The following ARHGEF4 variants were observed in gnomAD, a reference collection of about 807,000 sequenced individuals.
ARHGEF4 encodes Rho guanine nucleotide exchange factor 4.
ARHGEF4 carries 119 observed loss-of-function variants against 162.0 expected under a neutral mutation model. The ratio of observed to expected loss-of-function variants is 0.73; its 90% CI spans 0.63 to 0.86. ARHGEF4 has a LOEUF of 0.86. Ranked by LOEUF, ARHGEF4 falls within the 40% of genes least tolerant of loss-of-function variation. The pLI, the probability that ARHGEF4 is intolerant of heterozygous loss-of-function variation, is 0.00. For synonymous variants in ARHGEF4, 1,014 were observed against 979.9 expected (o/e 1.03, Z -0.65); for missense variants, 2,488 against 2,456.0 (o/e 1.01, Z -0.28).
Position 131,038,140 on chromosome 2 carries a change from T to C in ARHGEF4, c.4126-713T>C, listed in dbSNP as rs557612036. Among the ~76,000 whole-genome samples, 4 of 152,286 alleles carry C rather than the reference T, an allele frequency of 2.6e-5. No individual in the cohort carries two copies. In the South Asian group the frequency reaches 8.3e-4, roughly 32 times the overall value. On this transcript the variant is annotated intron_variant, in intron 5 of 13. Coordinates refer to ENST00000409359, the MANE Select transcript of ARHGEF4 (RefSeq NM_001367493.1). ...CTCCAATGGCAGGGCACTGTCTACCTGGATGAAGGGGCATTGTGGTTGGTG... is the reference window on the plus strand; with the variant it reads ...CTCCAATGGCAGGGCACTGTCTACCCGGATGAAGGGGCATTGTGGTTGGTG...
In ARHGEF4 at chr2:130,947,653, A is replaced by G. The variant is rs189767503; in HGVS notation, c.3985+1018A>G. ...ACTATAGCAAATAGCATCACATCACATATCTGTCCATAAAAGGCCTGGCTT... is the reference window on the plus strand; with the variant it reads ...ACTATAGCAAATAGCATCACATCACGTATCTGTCCATAAAAGGCCTGGCTT... On this transcript the variant is annotated intron_variant, in intron 4 of 13. Coordinates refer to ENST00000409359, the MANE Select transcript of ARHGEF4 (RefSeq NM_001367493.1). Among the ~76,000 whole-genome samples the G allele has an allele frequency of 1.9e-3, 286 of 152,250 alleles. 4 individuals are homozygous for G. The highest frequency in any genetic ancestry group is 6.5e-3 in the African/African-American group (271 of 41,516).
intron 5 of ARHGEF4, among the ~76,000 whole-genome samples, chr2:131,032,594 G>T (rs1689925271): frequency 1.3e-5 from 2 of 151,896 alleles, no homozygotes; most frequent in African/African-American, 4.8e-5. Flanking sequence ...TGCCACTTTT[G>T]CGCAGGGCTG....
chr2:130,915,881 G>A lies in ARHGEF4; in HGVS notation c.1935G>A (p.Arg645=), dbSNP rs1016371709. 20 of 1,549,466 alleles carry A rather than the reference G, an allele frequency of 1.3e-5. No homozygotes were observed. The highest frequency in any genetic ancestry group is 7.9e-5 in the Admixed American group (4 of 50,880). Residue 645 remains arginine, a synonymous_variant, in exon 2 of 14, where the codon AGG becomes AGA. Transcript: ENST00000409359. ...AVEQKGLQAS[R]SNAGPVPETL... Reference sequence around the variant, plus strand: ...AGCAGAAAGGTCTTCAGGCCAGCAGGAGCAATGCGGGGCCTGTTCCAGAAA... The same window carrying A: ...AGCAGAAAGGTCTTCAGGCCAGCAGAAGCAATGCGGGGCCTGTTCCAGAAA...
intron 3 of ARHGEF4, among the ~76,000 whole-genome samples, chr2:130,932,493 G>A (rs1682694710): frequency 6.6e-6 from 1 of 152,190 alleles, no homozygotes; most frequent in African/African-American, 2.4e-5. Flanking sequence ...ACAGGCATGA[G>A]CCACCGCGCC....
chr2:131,015,852 G>A (rs558487231), intron 4 of ARHGEF4, among the ~76,000 whole-genome samples: 1 of 152,242 alleles, frequency 6.6e-6, no homozygotes, highest in African/African-American at 2.4e-5. Flanking sequence ...TCTGTAGAAT[G>A]GACACATCAT....
At chr2:130,846,552 G>A (rs1680975813) in intron 1 of ARHGEF4, among the ~76,000 whole-genome samples, 1 of 152,256 alleles carries the variant, frequency 6.6e-6, no homozygotes, top group Non-Finnish European at 1.5e-5. Flanking sequence ...CACATGGGGA[G>A]AGCGATATGG....
At chr2:130,904,349 G>A (rs922982584) in intron 1 of ARHGEF4, among the ~76,000 whole-genome samples, 8 of 152,052 alleles carry the variant, frequency 5.3e-5, no homozygotes, top group Admixed American at 1.3e-4. Flanking sequence ...TATATTATGG[G>A]CCTTGGGACC....
At chr2:131,041,746 G>T in intron 9 of ARHGEF4, 69 bp from the exon 10 acceptor site, 1 of 1,570,724 alleles carries the variant, frequency 6.4e-7, no homozygotes, top group Non-Finnish European at 8.6e-7. Context: ...ACACGTGGGG[G>T]CTGCAGGGGA....
At chr2:131,034,188 T>A (rs982332251) in intron 5 of ARHGEF4, among the ~76,000 whole-genome samples, 1 of 152,190 alleles carries the variant, frequency 6.6e-6, no homozygotes, top group Non-Finnish European at 1.5e-5. Context: ...CTCCAGGAAC[T>A]CTTCTTGCTC....
At chr2:130,986,558 A>G (rs2105267709) in intron 4 of ARHGEF4, among the ~76,000 whole-genome samples, 1 of 152,284 alleles carries the variant, frequency 6.6e-6, no homozygotes, top group Admixed American at 6.5e-5. Flanking sequence ...GCCAGGTGGA[A>G]AGGGATCTGC....
chr2:131,037,619 C>G (rs1048714216), intron 5 of ARHGEF4, among the ~76,000 whole-genome samples: 1 of 152,248 alleles, frequency 6.6e-6, no homozygotes, highest in Non-Finnish European at 1.5e-5. Context: ...CCAGCCCACT[C>G]CTCCTCTCCT....
At chr2:130,905,255 G>A (rs180729370) in intron 1 of ARHGEF4, among the ~76,000 whole-genome samples, 14 of 151,938 alleles carry the variant, frequency 9.2e-5, no homozygotes, top group Middle Eastern at 3.4e-3. Flanking sequence ...TCCATTTTGT[G>A]TATATAGCTT....
chr2:130,840,288 C>T (rs914317316), intron 1 of ARHGEF4, among the ~76,000 whole-genome samples: 2 of 152,184 alleles, frequency 1.3e-5, no homozygotes, highest in Non-Finnish European at 2.9e-5. Context: ...ATTGTGACAG[C>T]TTCAGTCCGG....
At chr2:130,877,233 G>A (rs996449254) in intron 1 of ARHGEF4, among the ~76,000 whole-genome samples, 5 of 152,230 alleles carry the variant, frequency 3.3e-5, no homozygotes, top group African/African-American at 9.6e-5. Flanking sequence ...GGGGCAGAAA[G>A]TGGAGAGGGG....
chr2:130,851,320 C>T (rs1256600132), intron 1 of ARHGEF4, among the ~76,000 whole-genome samples: 3 of 152,348 alleles, frequency 2.0e-5, no homozygotes, highest in South Asian at 2.1e-4. Flanking sequence ...GCGCCAGCTC[C>T]GCAGCCAGCC....
At chr2:130,963,260 G>A (rs1166689181) in intron 4 of ARHGEF4, among the ~76,000 whole-genome samples, 2 of 152,140 alleles carry the variant, frequency 1.3e-5, no homozygotes, top group African/African-American at 2.4e-5. Flanking sequence ...GCTGTCAGGA[G>A]GGTCGCAGGC....
At chr2:131,034,174 T>C (rs1690061283) in intron 5 of ARHGEF4, among the ~76,000 whole-genome samples, 1 of 152,168 alleles carries the variant, frequency 6.6e-6, no homozygotes, top group South Asian at 2.1e-4. Flanking sequence ...CGCCCCTCCC[T>C]GCCCTCCAGG....
At chr2:130,905,482 A>C (rs2105027674) in intron 1 of ARHGEF4, among the ~76,000 whole-genome samples, 1 of 152,286 alleles carries the variant, frequency 6.6e-6, no homozygotes, top group East Asian at 1.9e-4. Context: ...CTTACTGTGG[A>C]GTTCTCATGG....
intron 1 of ARHGEF4, among the ~76,000 whole-genome samples, chr2:130,868,794 A>C (rs997466053): frequency 6.6e-6 from 1 of 152,206 alleles, no homozygotes; most frequent in Non-Finnish European, 1.5e-5. Context: ...AGCCAGCCGC[A>C]CTGGGCTGAA....
Sources: allele counts gnomAD v4.1 joint callset (sites outside exome capture counted in the v4.1 genomes callset), GRCh38; gene constraint gnomAD v4.1.1; transcripts MANE v1.5; gene names NCBI Gene and HGNC (gene_info 2026-07-23, HGNC 2026-07-21).